Variants in RHOH observed in about 807,000 individuals in gnomAD.
The protein encoded by RHOH is rho-related GTP-binding protein RhoH.
Under a neutral mutation model 13.8 loss-of-function variants are expected in RHOH, and 6 were observed. The ratio of observed to expected loss-of-function variants is 0.44; its 90% CI spans 0.24 to 0.86. The LOEUF is 0.86. RHOH is among the 40% of genes least tolerant of loss of function. RHOH has a pLI of 0.24. For synonymous variants in RHOH, 117 were observed against 103.0 expected (o/e 1.14, Z -0.82); for missense variants, 147 against 244.5 (o/e 0.60, Z 2.66).
chr4:40,216,610 A>G (rs1457997514), intron 1 of RHOH, among the ~76,000 whole-genome samples: 1 of 152,244 alleles, frequency 6.6e-6, no homozygotes, highest in Non-Finnish European at 1.5e-5. Context: ...CCCCAAGCAC[A>G]ATGTGTGTAC....
intron 1 of RHOH, among the ~76,000 whole-genome samples, chr4:40,234,505 G>A (rs2109531945): frequency 6.6e-6 from 1 of 152,202 alleles, no homozygotes; most frequent in East Asian, 1.9e-4. Context: ...AGAGTTGCTG[G>A]ACCAGAGGAG....
chr4:40,196,671 A>G (rs6827772), upstream of RHOH, among the ~76,000 whole-genome samples: 761 of 150,992 alleles, frequency 5.0e-3, 8 homozygotes, highest in African/African-American at 0.018. Flanking sequence ...CAAATTAACC[A>G]AGATTGGTCA....
intron 1 of RHOH, chr4:40,209,816 T>G (rs908770608): frequency 6.6e-6 from 1 of 152,204 alleles, no homozygotes; most frequent in African/African-American, 2.4e-5. Context: ...CTTTCAAATA[T>G]TTTGAAAGAC....
intron 1 of RHOH, among the ~76,000 whole-genome samples, chr4:40,211,124 T>C (rs965719224): frequency 1.3e-5 from 2 of 152,218 alleles, no homozygotes; most frequent in Non-Finnish European, 2.9e-5. Flanking sequence ...TGTAAACATC[T>C]TAAAAGTGGG....
intron 1 of RHOH, among the ~76,000 whole-genome samples, chr4:40,220,369 T>G (rs1176848227): frequency 6.6e-6 from 1 of 152,172 alleles, no homozygotes. Context: ...CTTGGCTGTT[T>G]AAATTTTAAT....
At chr4:40,201,671 C>CG (rs937241232) in intron 1 of RHOH, among the ~76,000 whole-genome samples, 15 of 150,788 alleles carry the variant, frequency 9.9e-5, no homozygotes, top group Non-Finnish European at 1.9e-4. Context: ...TTTTTCGGGG[C>CG]GGGGGGCAAG....
upstream of RHOH, among the ~76,000 whole-genome samples, chr4:40,195,423 C>T (rs1353009049): frequency 7.4e-6 from 1 of 134,760 alleles, no homozygotes; most frequent in Non-Finnish European, 1.6e-5. Context: ...CCTTCCCTCC[C>T]CTTCTCTTCC....
intron 1 of RHOH, chr4:40,200,326 T>C (rs71608018): frequency 6.6e-6 from 1 of 152,176 alleles, no homozygotes; most frequent in Non-Finnish European, 1.5e-5. Context: ...GAGACCACGA[T>C]CATGTGTCTG....
intron 1 of RHOH, among the ~76,000 whole-genome samples, chr4:40,206,402 A>G (rs1260121187): frequency 6.6e-6 from 1 of 152,192 alleles, no homozygotes; most frequent in African/African-American, 2.4e-5. Context: ...GTGGTTGAGA[A>G]GCATAAGAAT....
At chr4:40,193,320 C>T (rs1298595360), upstream of RHOH, among the ~76,000 whole-genome samples, 1 of 152,198 alleles carries the variant, frequency 6.6e-6, no homozygotes, top group African/African-American at 2.4e-5. Flanking sequence ...CAGGATTTCT[C>T]CCAACCCCAT....
intron 1 of RHOH, among the ~76,000 whole-genome samples, chr4:40,211,043 G>T (rs1289233792): frequency 6.6e-6 from 1 of 152,230 alleles, no homozygotes; most frequent in East Asian, 1.9e-4. Context: ...GTGCCGTAGA[G>T]AATGTCATAC....
Position 40,245,743 on chromosome 4 carries a change from C to T in RHOH, c.*1781C>T, listed in dbSNP as rs1370562455. 3 of 152,152 alleles carry T rather than the reference C, an allele frequency of 2.0e-5. No homozygotes were observed. Among genetic ancestry groups the T allele is most frequent in the Admixed American group, 6.5e-5 (1 of 15,272 alleles). 9.4% of individuals were successfully genotyped at this position (152,152 alleles called of 1,614,324 possible). ...ATGACTTTGATTAGAATTATGTTGA[C>T]ATAGCCAAACCAGTTTCTCTGTTCC... On this transcript the variant is annotated 3_prime_UTR_variant, in exon 3 of 3. Transcript: ENST00000381799.
rs189583488 is a variant in RHOH at position 40,202,976 on chromosome 4, A to T, written c.-331+5676A>T. Among the ~76,000 whole-genome samples, 1,027 of 151,654 alleles carry T rather than the reference A, an allele frequency of 6.8e-3. 11 individuals carry two copies. The highest frequency in any genetic ancestry group is 0.024 in the African/African-American group (982 of 41,334). On this transcript the variant is annotated intron_variant, in intron 1 of 2. Transcript: ENST00000381799. Reference sequence around the variant, plus strand: ...TTTATTTATTTTTAGTTTTTTTTAAATTTTTTATTTTTTGAGATGGAGTCT... The same window carrying T: ...TTTATTTATTTTTAGTTTTTTTTAATTTTTTTATTTTTTGAGATGGAGTCT...
intron 1 of RHOH, among the ~76,000 whole-genome samples, chr4:40,221,682 C>T (rs1444054925): frequency 6.6e-6 from 1 of 152,172 alleles, no homozygotes; most frequent in Non-Finnish European, 1.5e-5. Context: ...CCTCCCTATT[C>T]TCTGAGACAC....
At position 40,245,991 on chromosome 4, in the gene RHOH, C is replaced by G. The variant is rs4616763; in HGVS notation, c.*2029C>G. Reference sequence around the variant, plus strand: ...TCTCCAGGCGGTGGCTTGTACTCACCTCTAAGTCACCCGCCTCCCTTGATT... The same window carrying G: ...TCTCCAGGCGGTGGCTTGTACTCACGTCTAAGTCACCCGCCTCCCTTGATT... On this transcript the variant is annotated 3_prime_UTR_variant, in exon 3 of 3. Coordinates refer to ENST00000381799, the MANE Select transcript of RHOH (RefSeq NM_004310.5). The G allele has an allele frequency of 0.24, 36,590 of 152,086 alleles. 7,390 individuals are homozygous for G. Among genetic ancestry groups the G allele is most frequent in the East Asian group, 0.62 (3,173 of 5,146 alleles). 9.4% of individuals were successfully genotyped at this position (152,086 alleles called of 1,614,324 possible).
intron 1 of RHOH, among the ~76,000 whole-genome samples, chr4:40,225,213 G>A (rs1727076471): frequency 6.6e-6 from 1 of 152,188 alleles, no homozygotes; most frequent in African/African-American, 2.4e-5. Flanking sequence ...CCAGGTTCAA[G>A]TGATTCTCAT....
intron 1 of RHOH, among the ~76,000 whole-genome samples, chr4:40,236,645 G>C (rs1728610695): frequency 6.6e-6 from 1 of 152,048 alleles, no homozygotes; most frequent in Admixed American, 6.6e-5. Flanking sequence ...ACAAAAATTA[G>C]CTGGGCGTGG....
At chr4:40,227,318 C>A (rs1429572325) in intron 1 of RHOH, among the ~76,000 whole-genome samples, 1 of 152,200 alleles carries the variant, frequency 6.6e-6, no homozygotes, top group Non-Finnish European at 1.5e-5. Context: ...GCTATATGAG[C>A]ATTGTGCTTA....
At chr4:40,229,082 C>T (rs1049093384) in intron 1 of RHOH, among the ~76,000 whole-genome samples, 1 of 152,094 alleles carries the variant, frequency 6.6e-6, no homozygotes, top group Non-Finnish European at 1.5e-5. Context: ...TGATGTCTTA[C>T]TGAGTTGCAG....
Sources: gnomAD v4.1 joint callset for allele counts (sites outside exome capture counted in the v4.1 genomes callset) on GRCh38, gnomAD v4.1.1 for gene constraint, MANE v1.5 for transcripts, NCBI Gene and HGNC (gene_info 2026-07-23, HGNC 2026-07-21) for gene names.